The following WIPF3 variants were observed in gnomAD, a reference collection of about 807,000 sequenced individuals.
The protein encoded by WIPF3 is WAS/WASL interacting protein family member 3, also known as WAS/WASL-interacting protein family member 3.
WIPF3 carries 33 observed loss-of-function variants against 38.9 expected under a neutral mutation model. That is an observed-to-expected ratio of 0.85 (90% confidence interval 0.64 to 1.14). The LOEUF is 1.14. Ranked by LOEUF, WIPF3 falls within the 50% of genes most tolerant of loss-of-function variation. WIPF3 has a pLI of 0.00. For synonymous variants in WIPF3, 324 were observed against 269.3 expected, an observed-to-expected ratio of 1.20 and a Z score of -1.99; for missense variants, 711 against 652.5, an observed-to-expected ratio of 1.09 and a Z score of -0.98.
At position 29,823,298 on chromosome 7, in the gene WIPF3, G is replaced by C. The variant is rs117119774; in HGVS notation, c.-57-11370G>C. 0.01 allele frequency among the ~76,000 whole-genome samples: 1,527 copies of C among 152,014 alleles called. 37 individuals carry two copies. Among genetic ancestry groups the C allele is most frequent in the East Asian group, 0.084 (435 of 5,160 alleles). ...TTTTTTTTAGATGGAGTGTCACTCT[G>C]TCACCCAGGCTGGAGTGCAGTGGCA... On this transcript the variant is annotated intron_variant, in intron 1 of 8. Coordinates refer to ENST00000242140, the MANE Select transcript of WIPF3 (RefSeq NM_001080529.3). The surrounding 1 kb of genome is among the most constrained non-coding windows in gnomAD (Gnocchi z 4.0).
intron 7 of WIPF3, among the ~76,000 whole-genome samples, chr7:29,899,132 T>A (rs145642124): frequency 4.1e-4 from 63 of 152,234 alleles, no homozygotes; most frequent in Middle Eastern, 6.8e-3. Flanking sequence ...TGGTGTCCTG[T>A]TTTATAAGGG....
intron 2 of WIPF3, among the ~76,000 whole-genome samples, chr7:29,856,295 G>C (rs537990492): frequency 6.6e-6 from 1 of 151,860 alleles, no homozygotes; most frequent in Admixed American, 6.6e-5. Context: ...TATTTAATAC[G>C]TACTTTAAGT....
At chr7:29,814,462 C>T (rs1784427084) in intron 1 of WIPF3, among the ~76,000 whole-genome samples, 1 of 152,200 alleles carries the variant, frequency 6.6e-6, no homozygotes, top group South Asian at 2.1e-4. Flanking sequence ...TAGTGTCTAA[C>T]AGATAGAAGA....
chr7:29,864,721 A>G (rs1785356273), intron 2 of WIPF3, among the ~76,000 whole-genome samples: 1 of 152,108 alleles, frequency 6.6e-6, no homozygotes, highest in South Asian at 2.1e-4. Context: ...TCTTTTTCCC[A>G]CATTTCAGAT....
intron 7 of WIPF3, among the ~76,000 whole-genome samples, chr7:29,898,804 A>G (rs902051889): frequency 1.3e-5 from 2 of 152,102 alleles, no homozygotes; most frequent in African/African-American, 4.8e-5. Context: ...TTCTACCTAA[A>G]TATACAAACT....
Position 29,878,288 on chromosome 7 carries a change from C to T in WIPF3, c.224-721C>T, listed in dbSNP as rs1006356083. ...CAGTGGGCACTGTGCCCTAATTTCT[C>T]TGTGCATATTAGCTTCAAGTTGTTA... is the stretch of plus-strand genomic sequence containing the variant. On this transcript the variant is annotated intron_variant, in intron 3 of 8. Transcript: ENST00000242140. This position sits in a 1 kb window ranked among gnomAD's most constrained non-coding sequence, Gnocchi z 4.0. 2.0e-5 allele frequency among the ~76,000 whole-genome samples: 3 copies of T among 152,230 alleles called. No individual in the cohort carries two copies. Among genetic ancestry groups the T allele is most frequent in the Non-Finnish European group, 4.4e-5 (3 of 68,040 alleles).
At chr7:29,863,001 C>G (rs560451400) in intron 2 of WIPF3, among the ~76,000 whole-genome samples, 1 of 152,298 alleles carries the variant, frequency 6.6e-6, no homozygotes, top group South Asian at 2.1e-4. Flanking sequence ...TTTGCTACAT[C>G]TCTTTTCTAT....
chr7:29,907,579 T>C (rs1338488458), intron 8 of WIPF3, among the ~76,000 whole-genome samples: 3 of 152,016 alleles, frequency 2.0e-5, no homozygotes, highest in Non-Finnish European at 4.4e-5. Flanking sequence ...TGATAAACCA[T>C]GAGGGCAGAG....
Position 29,868,818 on chromosome 7 carries a change from GGTAA to G in WIPF3, c.91-7008_91-7005del, listed in dbSNP as rs1303440516. On this transcript the variant is annotated intron_variant, in intron 2 of 8. Coordinates refer to ENST00000242140, the MANE Select transcript of WIPF3 (RefSeq NM_001080529.3). ...ATCCTGTAGGCAACTGTAACGCAGT[GGTAA>G]GTATTTGTGTATCTAACCATATCTA... 2.6e-5 allele frequency among the ~76,000 whole-genome samples: 4 copies of G among 152,008 alleles called. No homozygotes were observed. In the East Asian group the frequency reaches 5.8e-4, roughly 22 times the overall value.
chr7:29,891,634 C>T (rs1021853076), intron 7 of WIPF3, among the ~76,000 whole-genome samples: 1 of 152,164 alleles, frequency 6.6e-6, no homozygotes, highest in Admixed American at 6.5e-5. Context: ...CATCCTTGCT[C>T]AGTTCAGCGC....
Position 29,834,742 on chromosome 7 carries a change from A to ACCCCCCCCCCCCCCCCCCCCC in WIPF3, c.23_24insCCCCCCCCCCCCCCCCCCCCC (p.Pro4_Pro10dup). On this transcript the variant is annotated inframe_insertion, in exon 2 of 9. Transcript: ENST00000242140. Reference sequence around the variant, plus strand: ...CGTGACACATGCCAGTGCCACCGCCACCCCCACCTCCTCTGCCTCCACCTC... The same window carrying ACCCCCCCCCCCCCCCCCCCCC: ...CGTGACACATGCCAGTGCCACCGCCACCCCCCCCCCCCCCCCCCCCCCCCCCACCTCCTCTGCCTCCACCTC... 7.3e-7 allele frequency: 1 copy of ACCCCCCCCCCCCCCCCCCCCC among 1,377,076 alleles called. No individual in the cohort carries two copies. The highest frequency in any genetic ancestry group is 9.6e-7 in the Non-Finnish European group (1 of 1,042,570). 85.3% of individuals were successfully genotyped at this position (1,377,076 alleles called of 1,614,324 possible). A position where few individuals can be genotyped will look rare whatever the true frequency, so the allele number is the denominator to read the frequency against.
intron 7 of WIPF3, among the ~76,000 whole-genome samples, chr7:29,894,644 A>T (rs940630348): frequency 6.6e-6 from 1 of 152,138 alleles, no homozygotes; most frequent in East Asian, 1.9e-4. Context: ...CTGGCTCCCC[A>T]AGATGAGTTC....
chr7:29,832,115 A>G (rs1287851461), intron 1 of WIPF3, among the ~76,000 whole-genome samples: 1 of 152,238 alleles, frequency 6.6e-6, no homozygotes, highest in African/African-American at 2.4e-5. Flanking sequence ...TGTCTTAGTT[A>G]AAAGATGAGA....
chr7:29,890,330 T>C (rs1234556126), intron 7 of WIPF3, among the ~76,000 whole-genome samples: 5 of 142,010 alleles, frequency 3.5e-5, no homozygotes, highest in Non-Finnish European at 7.5e-5. Context: ...CCAGCATTGA[T>C]GACAGAGTGA....
chr7:29,868,896 C>T (rs11980398), intron 2 of WIPF3, among the ~76,000 whole-genome samples: 3,959 of 152,234 alleles, frequency 0.026, 183 homozygotes, highest in African/African-American at 0.09. Flanking sequence ...GTTATAGGAC[C>T]ACCGTCGTAT....
intron 7 of WIPF3, among the ~76,000 whole-genome samples, chr7:29,900,098 C>T (rs1296690922): frequency 6.6e-6 from 1 of 152,000 alleles, no homozygotes; most frequent in Non-Finnish European, 1.5e-5. Flanking sequence ...CCACCACGCC[C>T]AGCTAATTTT....
Position 29,884,067 on chromosome 7 carries a change from C to T in WIPF3, c.573C>T (p.Pro191=), listed in dbSNP as rs1420961723. The stretch of plus-strand genomic sequence containing the variant: ...CTCCACCCTTACCCCCGCCCCTTCC[C>T]TCTTCCTCCCCCATCAAAACTCCGC... The part of the protein sequence containing the change: ...PPPPPLPPPL[P]SSSPIKTPLV... Residue 191 remains proline, a synonymous_variant, in exon 5 of 9, where the codon CCC becomes CCT. Coordinates refer to ENST00000242140, the MANE Select transcript of WIPF3 (RefSeq NM_001080529.3). 2.0e-6 allele frequency: 3 copies of T among 1,467,246 alleles called. No individual in the cohort carries two copies. The highest frequency in any genetic ancestry group is 2.7e-6 in the Non-Finnish European group (3 of 1,100,936). 90.9% of individuals were successfully genotyped at this position (1,467,246 alleles called of 1,614,324 possible). A position where few individuals can be genotyped will look rare whatever the true frequency, so the allele number is the denominator to read the frequency against.
At chr7:29,873,311 G>A (rs1263793439) in intron 2 of WIPF3, among the ~76,000 whole-genome samples, 1 of 152,162 alleles carries the variant, frequency 6.6e-6, no homozygotes, top group African/African-American at 2.4e-5. Context: ...GAGTTGGGCT[G>A]TGAATATTAT....
chr7:29,808,563 A>G (rs2128060459), intron 1 of WIPF3, among the ~76,000 whole-genome samples: 1 of 152,336 alleles, frequency 6.6e-6, no homozygotes, highest in Admixed American at 6.5e-5. Flanking sequence ...AGGGTGACAG[A>G]CACTTGTAGG....
Sources: allele counts gnomAD v4.1 joint callset (sites outside exome capture counted in the v4.1 genomes callset), GRCh38; gene constraint gnomAD v4.1.1; non-coding constraint Gnocchi (gnomAD v3.1); transcripts MANE v1.5; gene names NCBI Gene and HGNC (gene_info 2026-07-23, HGNC 2026-07-21).